The following LINGO1 variants were observed in gnomAD, a reference collection of about 807,000 sequenced individuals.
LINGO1 encodes leucine rich repeat and Ig domain containing 1.
A neutral mutation model predicts 37.3 loss-of-function variants in LINGO1; 11 were observed. The observed-to-expected ratio is 0.29, with a 90% CI of 0.19 to 0.49. LINGO1 has a LOEUF of 0.49. LINGO1 is among the 20% of genes least tolerant of loss of function. The pLI, the probability that LINGO1 is intolerant of heterozygous loss-of-function variation, is 0.99. For missense variants in LINGO1, 585 were observed against 878.2 expected, an observed-to-expected ratio of 0.67 and a Z score of 4.22; for synonymous variants, 387 against 403.0, an observed-to-expected ratio of 0.96 and a Z score of 0.48.
intron 1 of LINGO1, among the ~76,000 whole-genome samples, chr15:77,744,124 T>C (rs976881787): frequency 2.6e-5 from 4 of 152,150 alleles, no homozygotes; most frequent in Non-Finnish European, 5.9e-5. Flanking sequence ...TGTCTGCACA[T>C]CAGGCACCTC....
In LINGO1 at chr15:77,614,584, C is replaced by T. The variant is rs557877992; in HGVS notation, c.1323G>A (p.Thr441=). 205 of 1,610,916 alleles carry T rather than the reference C, an allele frequency of 1.3e-4. No homozygotes were observed. The highest frequency in any genetic ancestry group is 5.9e-4 in the Admixed American group (35 of 59,784). The change falls in exon 2 of 2, where the codon ACG becomes ACA. Residue 441 remains threonine (T), a synonymous_variant. Transcript: ENST00000355300. Reference sequence around the variant, plus strand: ...CATCGGCCCGGCACACAAACTGCACCGTGTGGCCCTCGTCCACAAACACCT... The same window carrying T: ...CATCGGCCCGGCACACAAACTGCACTGTGTGGCCCTCGTCCACAAACACCT... ...AQQVFVDEGH[T]VQFVCRADGD...
At chr15:77,741,185 G>C (rs1055721345) in intron 1 of LINGO1, among the ~76,000 whole-genome samples, 8 of 152,284 alleles carry the variant, frequency 5.3e-5, no homozygotes, top group African/African-American at 1.9e-4. Context: ...TCTCAGCAGG[G>C]GACACCCTGC....
intron 2 of LINGO1, among the ~76,000 whole-genome samples, chr15:77,687,448 C>G (rs1371665184): frequency 6.6e-6 from 1 of 152,162 alleles, no homozygotes; most frequent in African/African-American, 2.4e-5. Flanking sequence ...CCCCCAGGGG[C>G]CAGGGCCTGT....
chr15:77,723,675 G>T (rs1245180359), intron 2 of LINGO1, among the ~76,000 whole-genome samples: 1 of 152,116 alleles, frequency 6.6e-6, no homozygotes, highest in Non-Finnish European at 1.5e-5. Context: ...GGGAGGGACT[G>T]CCCCCAGGCC....
At chr15:77,759,342 A>G (rs1229391315) in intron 1 of LINGO1, among the ~76,000 whole-genome samples, 1 of 152,118 alleles carries the variant, frequency 6.6e-6, no homozygotes, top group East Asian at 1.9e-4. Context: ...GCCCAGATTG[A>G]AGGCTGGAGG....
chr15:77,804,760 G>C (rs1050549479), intron 1 of LINGO1, among the ~76,000 whole-genome samples: 1 of 152,198 alleles, frequency 6.6e-6, no homozygotes, highest in African/African-American at 2.4e-5. Flanking sequence ...GCTGCAGCAG[G>C]CTACTGGCTG....
chr15:77,761,107 T>G (rs887745149), intron 1 of LINGO1, among the ~76,000 whole-genome samples: 3 of 150,996 alleles, frequency 2.0e-5, no homozygotes, highest in African/African-American at 4.9e-5. Flanking sequence ...TTTTTTTTTT[T>G]GTATTTTTAG....
chr15:77,687,252 C>G (rs756375950), intron 2 of LINGO1, among the ~76,000 whole-genome samples: 6 of 151,966 alleles, frequency 3.9e-5, no homozygotes, highest in African/African-American at 1.5e-4. Context: ...CTGGGATCAA[C>G]GCTCAGTGCG....
chr15:77,765,070 T>C (rs982239009), intron 1 of LINGO1, among the ~76,000 whole-genome samples: 3 of 151,896 alleles, frequency 2.0e-5, no homozygotes, highest in Non-Finnish European at 4.4e-5. Context: ...AACAGCAACA[T>C]GGTTTTGAAA....
At chr15:77,687,109 CA>C (rs1350992755) in intron 2 of LINGO1, among the ~76,000 whole-genome samples, 2 of 152,110 alleles carry the variant, frequency 1.3e-5, no homozygotes, top group African/African-American at 4.8e-5. Context: ...GGACCAGGAT[CA>C]AGGTTAAGTC....
intron 3 of LINGO1, among the ~76,000 whole-genome samples, chr15:77,656,503 G>A (rs1033441309): frequency 2.0e-5 from 3 of 152,172 alleles, no homozygotes; most frequent in East Asian, 1.9e-4. Context: ...CCCCGCAGCC[G>A]CCCTGCGCCC....
intron 2 of LINGO1, among the ~76,000 whole-genome samples, chr15:77,713,424 T>C (rs2075945129): frequency 6.6e-6 from 1 of 151,950 alleles, no homozygotes; most frequent in South Asian, 2.1e-4. Context: ...ATATACTGTA[T>C]GATTCCATCT....
intron 2 of LINGO1, among the ~76,000 whole-genome samples, chr15:77,794,385 TACATAC>T (rs1567588215): frequency 4.0e-5 from 3 of 75,530 alleles, no homozygotes; most frequent in Non-Finnish European, 7.8e-5. Context: ...TATATGTATA[TACATAC>T]ATATATACGT....
chr15:77,663,290 G>T (rs187090085), intron 3 of LINGO1, among the ~76,000 whole-genome samples: 18 of 143,426 alleles, frequency 1.3e-4, no homozygotes, highest in African/African-American at 4.7e-4. Context: ...GTGGTCGGGG[G>T]TGGGGAGGCT....
In LINGO1 at chr15:77,786,489, C is replaced by A. The variant is rs574977191; in HGVS notation, c.-257+380G>T. On this transcript the variant is annotated intron_variant, in intron 1 of 3. Transcript: ENST00000561686. ...ACCCCAGGCCTCTGGGGAGTGCCTGCGTGGCTATTTGACCTTTCAGAGGGG... is the reference window on the plus strand; with the variant it reads ...ACCCCAGGCCTCTGGGGAGTGCCTGAGTGGCTATTTGACCTTTCAGAGGGG... Among the ~76,000 whole-genome samples, 14 of 152,300 alleles carry A rather than the reference C, an allele frequency of 9.2e-5. No homozygotes were observed. In the South Asian group the frequency reaches 2.1e-3, roughly 23 times the overall value.
chr15:77,674,434 T>TGG (rs2075297812), intron 3 of LINGO1, among the ~76,000 whole-genome samples: 1 of 152,174 alleles, frequency 6.6e-6, no homozygotes, highest in African/African-American at 2.4e-5. Flanking sequence ...TTTCCCCACT[T>TGG]CATTTTGGGT....
intron 1 of LINGO1, among the ~76,000 whole-genome samples, chr15:77,694,733 C>T (rs2075660623): frequency 6.6e-6 from 1 of 152,240 alleles, no homozygotes; most frequent in Non-Finnish European, 1.5e-5. Context: ...AAATACTAGG[C>T]TTTGCCCAGA....
rs541508902 is a variant in LINGO1 at position 77,802,208 on chromosome 15, G to C, written c.-457-6155C>G. Among the ~76,000 whole-genome samples, 43 of 152,232 alleles carry C rather than the reference G, an allele frequency of 2.8e-4. 1 individual carries two copies. Among genetic ancestry groups the C allele is most frequent in the Admixed American group, 1.8e-3 (28 of 15,298 alleles). ...GATAGAGGGCACATGTGGGTCTGCG[G>C]AGGTGAACTCTGGAGGGTGTGTGGG... On this transcript the variant is annotated intron_variant, in intron 1 of 5. Coordinates refer to the LINGO1 transcript ENST00000562933.
intron 2 of LINGO1, among the ~76,000 whole-genome samples, chr15:77,713,948 C>T (rs4595768): frequency 0.44 from 67,418 of 151,978 alleles, 15,823 homozygotes; most frequent in Admixed American, 0.58. Flanking sequence ...CTCTCCACCA[C>T]CCACGTCGCT....
Sources: gnomAD v4.1 joint callset for allele counts (sites outside exome capture counted in the v4.1 genomes callset) on GRCh38, gnomAD v4.1.1 for gene constraint, MANE v1.5 for transcripts, NCBI Gene and HGNC (gene_info 2026-07-23, HGNC 2026-07-21) for gene names.